The following KIRREL3 variants were observed in gnomAD, a reference collection of about 807,000 sequenced individuals.
KIRREL3 encodes the protein kin of IRRE-like protein 3.
Under a neutral mutation model 89.7 loss-of-function variants are expected in KIRREL3, and 36 were observed. The ratio of observed to expected loss-of-function variants is 0.40; its 90% CI spans 0.31 to 0.53. The LOEUF (loss-of-function observed/expected upper bound fraction) is 0.53, where lower values mean the gene tolerates loss of function less well. KIRREL3 is among the 20% of genes least tolerant of loss of function. KIRREL3 has a pLI of 0.49. For missense variants in KIRREL3, 864 were observed against 1,056.6 expected, an observed-to-expected ratio of 0.82 and a Z score of 2.53; for synonymous variants, 445 against 441.4, an observed-to-expected ratio of 1.01 and a Z score of -0.10.
intron 1 of KIRREL3, among the ~76,000 whole-genome samples, chr11:126,760,587 C>A (rs942604300): frequency 2.6e-5 from 4 of 152,196 alleles, no homozygotes; most frequent in Non-Finnish European, 5.9e-5. Flanking sequence ...TAAGACTATA[C>A]AGAAGCACCA....
Position 126,844,950 on chromosome 11 carries a change from C to G in KIRREL3, c.55+155505G>C, listed in dbSNP as rs1944089715. On this transcript the variant is annotated intron_variant, in intron 1 of 16. Transcript: ENST00000525144. This position sits in a 1 kb window ranked among gnomAD's most constrained non-coding sequence, Gnocchi z 4.8. ...GGTCTTACTCTGGCCTCTCTGAGCT[C>G]TCTGCCTTCCCCACCCTGCTGTGCA... Among the ~76,000 whole-genome samples the G allele has an allele frequency of 6.6e-6, 1 of 152,140 alleles. No homozygotes were observed. Among genetic ancestry groups the G allele is most frequent in the Non-Finnish European group, 1.5e-5 (1 of 68,014 alleles).
chr11:126,660,856 C>T (rs563198588), intron 1 of KIRREL3, among the ~76,000 whole-genome samples: 1 of 152,286 alleles, frequency 6.6e-6, no homozygotes, highest in South Asian at 2.1e-4. Flanking sequence ...TTAACACCAT[C>T]CTGGCAGCTA....
In KIRREL3 at chr11:126,521,542, G is replaced by T. The variant is rs1016991272; in HGVS notation, c.284-78C>A. On this transcript the variant is annotated intron_variant, in intron 3 of 16. Transcript: ENST00000525144. The surrounding 1 kb of genome is among the most constrained non-coding windows in gnomAD (Gnocchi z 4.1). ...CATGACAAAGAGGCACAGAATGGAG[G>T]ACCCAAGCAGGGGCCATTCTACAAG... The T allele has an allele frequency of 1.5e-6, 2 of 1,333,816 alleles. No homozygotes were observed. Among genetic ancestry groups the T allele is most frequent in the African/African-American group, 1.7e-5 (1 of 60,560 alleles). The allele number at this position is 1,333,816 out of a possible 1,614,324, so 82.6% of individuals were successfully genotyped here.
intron 1 of KIRREL3, among the ~76,000 whole-genome samples, chr11:126,850,425 T>C (rs988428075): frequency 2.0e-5 from 3 of 152,150 alleles, no homozygotes; most frequent in African/African-American, 4.8e-5. Context: ...GCTCCCTTTG[T>C]TGGCAGCTCT....
rs1328094424 is a variant in KIRREL3 at position 126,795,809 on chromosome 11, C to T, written c.55+204646G>A. 1.3e-5 allele frequency among the ~76,000 whole-genome samples: 2 copies of T among 152,112 alleles called. No individual in the cohort carries two copies. The highest frequency in any genetic ancestry group is 2.9e-5 in the Non-Finnish European group (2 of 68,034). ...CACTTCAACCACCAGTTCTTCTTCC[C>T]CCTGTGCACCCCAAGAGCGTACATC... On this transcript the variant is annotated intron_variant, in intron 1 of 16. Coordinates refer to ENST00000525144, the MANE Select transcript of KIRREL3 (RefSeq NM_032531.4). This position sits in a 1 kb window ranked among gnomAD's most constrained non-coding sequence, Gnocchi z 4.1.
intron 1 of KIRREL3, among the ~76,000 whole-genome samples, chr11:126,984,017 G>A (rs1406942300): frequency 6.6e-6 from 1 of 152,030 alleles, no homozygotes; most frequent in African/African-American, 2.4e-5. Flanking sequence ...GGTATTAGAG[G>A]TTAATTCTCC....
At chr11:126,675,601 T>C (rs1300359848) in intron 1 of KIRREL3, among the ~76,000 whole-genome samples, 1 of 152,138 alleles carries the variant, frequency 6.6e-6, no homozygotes, top group Non-Finnish European at 1.5e-5. Flanking sequence ...CAGCATGTAA[T>C]GTGGGGCCAT....
intron 4 of KIRREL3, among the ~76,000 whole-genome samples, chr11:126,478,531 ATATG>A (rs1957128713): frequency 6.6e-6 from 1 of 151,740 alleles, no homozygotes; most frequent in South Asian, 2.1e-4. Flanking sequence ...GTGTGTGTAT[ATATG>A]TGTGTACATG....
upstream of KIRREL3, among the ~76,000 whole-genome samples, chr11:127,001,323 G>A (rs1403896145): frequency 2.8e-4 from 38 of 135,840 alleles, 1 homozygote; most frequent in Non-Finnish European, 4.5e-4. Context: ...GTGGGGGGGG[G>A]GGGTAGGTAA....
intron 1 of KIRREL3, among the ~76,000 whole-genome samples, chr11:126,774,925 G>A (rs994771937): frequency 6.6e-6 from 1 of 152,066 alleles, no homozygotes; most frequent in Non-Finnish European, 1.5e-5. Context: ...AACAAGTCTT[G>A]GACATTGCCT....
intron 4 of KIRREL3, among the ~76,000 whole-genome samples, chr11:126,478,710 C>T (rs1273289449): frequency 1.3e-5 from 2 of 151,540 alleles, no homozygotes; most frequent in African/African-American, 4.9e-5. Flanking sequence ...TGTGTGTATA[C>T]ATGTGTATGG....
chr11:126,505,388 G>A lies in KIRREL3; in HGVS notation c.433+15927C>T, dbSNP rs1251181990. 2.0e-5 allele frequency among the ~76,000 whole-genome samples: 3 copies of A among 152,156 alleles called. No homozygotes were observed. The East Asian group carries it at 5.8e-4, about 29-fold the overall frequency. ...AGTTCGAGACCAGCCTGGCCAACAT[G>A]GTGAAACCCCATTTCTACTAAAAAT... On this transcript the variant is annotated intron_variant, in intron 4 of 16. Transcript: ENST00000525144.
At chr11:126,822,492 T>TAC (rs1052684225) in intron 1 of KIRREL3, among the ~76,000 whole-genome samples, 4 of 151,404 alleles carry the variant, frequency 2.6e-5, no homozygotes, top group Non-Finnish European at 5.9e-5. Flanking sequence ...TAGGAATTTA[T>TAC]GTTTCCTTAA....
At chr11:126,433,887 T>G (rs918476493) in intron 13 of KIRREL3, among the ~76,000 whole-genome samples, 15 of 152,238 alleles carry the variant, frequency 9.9e-5, no homozygotes, top group African/African-American at 3.6e-4. Context: ...CTCAGTGCCT[T>G]GTCTGCACCC....
At chr11:126,494,681 C>T (rs1957608023) in intron 4 of KIRREL3, among the ~76,000 whole-genome samples, 1 of 152,256 alleles carries the variant, frequency 6.6e-6, no homozygotes, top group East Asian at 1.9e-4. Flanking sequence ...GAAGCTGCCT[C>T]TCTATCCTGT....
chr11:126,800,678 T>A (rs78732446), intron 1 of KIRREL3, among the ~76,000 whole-genome samples: 2,736 of 152,220 alleles, frequency 0.018, 91 homozygotes, highest in African/African-American at 0.063. Flanking sequence ...CAGGCACCCT[T>A]TCAGCTGCAT....
intron 6 of KIRREL3, among the ~76,000 whole-genome samples, chr11:126,460,574 T>G (rs989746389): frequency 6.6e-6 from 1 of 152,208 alleles, no homozygotes; most frequent in Non-Finnish European, 1.5e-5. Context: ...GGGCCCCAAG[T>G]GTCACTCTGA....
intron 1 of KIRREL3, among the ~76,000 whole-genome samples, chr11:126,886,358 T>G (rs573619176): frequency 2.0e-5 from 3 of 152,220 alleles, no homozygotes; most frequent in Non-Finnish European, 4.4e-5. Flanking sequence ...TTTCATTGAC[T>G]GGCTTCATTT....
chr11:126,466,472 G>A (rs778523053), intron 5 of KIRREL3, among the ~76,000 whole-genome samples: 2 of 152,238 alleles, frequency 1.3e-5, no homozygotes, highest in Non-Finnish European at 2.9e-5. Context: ...ACAGAGCTGG[G>A]GGGCCCAGGG....
Sources: gnomAD v4.1 joint callset for allele counts (sites outside exome capture counted in the v4.1 genomes callset) on GRCh38, gnomAD v4.1.1 for gene constraint, Gnocchi (gnomAD v3.1) non-coding constraint, MANE v1.5 for transcripts, NCBI Gene and HGNC (gene_info 2026-07-23, HGNC 2026-07-21) for gene names.